Variants in SHANK2 observed in about 807,000 individuals in gnomAD.
SHANK2 encodes the protein SH3 and multiple ankyrin repeat domains 2, also known as SH3 and multiple ankyrin repeat domains protein 2.
Under a neutral mutation model 133.7 loss-of-function variants are expected in SHANK2, and 43 were observed. That is an observed-to-expected ratio of 0.32 (90% CI 0.25 to 0.41). The LOEUF (loss-of-function observed/expected upper bound fraction) is 0.41. Among genes scored for constraint, SHANK2 ranks in the 10% least tolerant of loss-of-function variants. The pLI is 1.00. For synonymous variants in SHANK2, 1,017 were observed against 952.8 expected, an observed-to-expected ratio of 1.07 and a Z score of -1.24; for missense variants, 1,994 against 2,235.8, an observed-to-expected ratio of 0.89 and a Z score of 2.18.
chr11:71,121,645 C>T (rs1412096078), intron 3 of SHANK2, among the ~76,000 whole-genome samples: 1 of 152,196 alleles, frequency 6.6e-6, no homozygotes, highest in African/African-American at 2.4e-5. Context: ...TTGCCCATGC[C>T]TATGTCCTGA....
intron 9 of SHANK2, among the ~76,000 whole-genome samples, chr11:71,069,459 G>A (rs977345114): frequency 4.0e-5 from 6 of 151,732 alleles, no homozygotes; most frequent in Admixed American, 1.3e-4. Context: ...CACCACCATC[G>A]CCAGCCTCAT....
intron 2 of SHANK2, among the ~76,000 whole-genome samples, chr11:71,171,133 C>CTAGG (rs1393062568): frequency 2.6e-5 from 4 of 152,180 alleles, no homozygotes; most frequent in Non-Finnish European, 5.9e-5. Flanking sequence ...TTCTCTTCTT[C>CTAGG]TAGGTGCACT....
intron 17 of SHANK2, among the ~76,000 whole-genome samples, chr11:70,567,681 AG>A (rs2059985404): frequency 6.6e-6 from 1 of 152,110 alleles, no homozygotes; most frequent in Non-Finnish European, 1.5e-5. Context: ...ACACATAGAC[AG>A]ACGACTACGG....
At chr11:70,540,870 T>G (rs907355882) in intron 17 of SHANK2, among the ~76,000 whole-genome samples, 15 of 142,856 alleles carry the variant, frequency 1.1e-4, no homozygotes, top group Non-Finnish European at 1.5e-4. Context: ...AACTCAGATA[T>G]AAAACTCAGC....
intron 15 of SHANK2, chr11:70,698,343 C>T: frequency 2.9e-6 from 1 of 340,384 alleles, no homozygotes; most frequent in Non-Finnish European, 5.5e-6. Flanking sequence ...CCGAAATACT[C>T]CCCCGGGGGA....
intron 17 of SHANK2, among the ~76,000 whole-genome samples, chr11:70,525,567 A>C (rs1469196979): frequency 1.3e-5 from 2 of 152,148 alleles, no homozygotes; most frequent in African/African-American, 2.4e-5. Context: ...TAGGGGAGAA[A>C]ACAGGCTCTT....
chr11:70,879,864 C>T (rs1949631128), intron 11 of SHANK2, among the ~76,000 whole-genome samples: 1 of 152,214 alleles, frequency 6.6e-6, no homozygotes. Flanking sequence ...CAGGGAAGGG[C>T]ACAAGCAAGG....
intron 17 of SHANK2, chr11:70,635,620 T>A (rs1237897182): frequency 6.6e-6 from 1 of 152,128 alleles, no homozygotes; most frequent in Non-Finnish European, 1.5e-5. Flanking sequence ...GAGAAGGTTC[T>A]GGAGATGGAT....
intron 10 of SHANK2, among the ~76,000 whole-genome samples, chr11:70,919,712 A>G (rs565840064): frequency 3.8e-4 from 58 of 152,126 alleles, no homozygotes; most frequent in Non-Finnish European, 7.1e-4. Flanking sequence ...TATCTCAGCG[A>G]AATTGTGTAT....
intron 3 of SHANK2, among the ~76,000 whole-genome samples, chr11:71,134,091 G>A (rs1555104294): frequency 6.6e-6 from 1 of 150,848 alleles, no homozygotes; most frequent in African/African-American, 2.4e-5. Context: ...ACTTGACAGT[G>A]CAGAAAGCTC....
At chr11:70,851,114 C>T (rs1555065320) in intron 11 of SHANK2, among the ~76,000 whole-genome samples, 2 of 152,288 alleles carry the variant, frequency 1.3e-5, no homozygotes, top group Non-Finnish European at 2.9e-5. Context: ...TCCAGGATCC[C>T]TCCCTACTCT....
chr11:70,845,752 C>A (rs1327933871), intron 11 of SHANK2, among the ~76,000 whole-genome samples: 1 of 152,142 alleles, frequency 6.6e-6, no homozygotes, highest in African/African-American at 2.4e-5. Flanking sequence ...CCCATAATTA[C>A]ATAGAGATGG....
At chr11:70,520,300 A>G (rs1554970791) in intron 17 of SHANK2, among the ~76,000 whole-genome samples, 1 of 152,178 alleles carries the variant, frequency 6.6e-6, no homozygotes, top group African/African-American at 2.4e-5. Flanking sequence ...ATCTGTCCAG[A>G]GCACCACATT....
chr11:70,816,216 C>T (rs1555054310), intron 12 of SHANK2, among the ~76,000 whole-genome samples: 2 of 152,226 alleles, frequency 1.3e-5, no homozygotes, highest in East Asian at 1.9e-4. Flanking sequence ...CCAGCACACT[C>T]GGGAGGGGGT....
At chr11:70,496,977 T>G in intron 21 of SHANK2, 1 of 456,720 alleles carries the variant, frequency 2.2e-6, no homozygotes, top group South Asian at 1.5e-5. Context: ...ACATCTGGTC[T>G]CTGTTTTAAA....
chr11:70,640,605 G>A lies in SHANK2; in HGVS notation c.2061+19223C>T, dbSNP rs150448797. ...AGAGGACTGCACGAAGCTGAGGCCC[G>A]AGCCCTGACCTGGGATCACAGGCAT... On this transcript the variant is annotated intron_variant, in intron 17 of 25. Transcript: ENST00000601538. Among the ~76,000 whole-genome samples, 744 of 152,366 alleles carry A rather than the reference G, an allele frequency of 4.9e-3. 2 individuals are homozygous for A. The highest frequency in any genetic ancestry group is 7.5e-3 in the Non-Finnish European group (509 of 68,034).
intron 2 of SHANK2, among the ~76,000 whole-genome samples, chr11:71,209,815 T>TG (rs1209161864): frequency 2.0e-5 from 3 of 152,030 alleles, no homozygotes; most frequent in Non-Finnish European, 2.9e-5. Context: ...AGAGATATAC[T>TG]GGGGGGTCTC....
intron 17 of SHANK2, among the ~76,000 whole-genome samples, chr11:70,518,495 A>G (rs1479509694): frequency 3.9e-5 from 6 of 152,220 alleles, no homozygotes; most frequent in African/African-American, 1.4e-4. Flanking sequence ...CATGAGCAAG[A>G]TGCACACGTC....
chr11:70,823,328 TG>T (rs1948572568), intron 11 of SHANK2, among the ~76,000 whole-genome samples: 1 of 78,000 alleles, frequency 1.3e-5, no homozygotes, highest in African/African-American at 5.2e-5. Context: ...GCAGAGTTAA[TG>T]GGGGACAGAG....
Sources: gnomAD v4.1 joint callset for allele counts (sites outside exome capture counted in the v4.1 genomes callset) on GRCh38, gnomAD v4.1.1 for gene constraint, MANE v1.5 for transcripts, NCBI Gene and HGNC (gene_info 2026-07-23, HGNC 2026-07-21) for gene names.